The following CD58 variants were observed in gnomAD, a reference collection of about 807,000 sequenced individuals.
CD58 encodes the protein CD58 molecule, also known as lymphocyte function-associated antigen 3.
Under a neutral mutation model 27.6 loss-of-function variants are expected in CD58, and 14 were observed. The observed-to-expected ratio is 0.51, with a 90% CI of 0.34 to 0.79. CD58 has a LOEUF of 0.79. CD58 is among the 30% of genes least tolerant of loss of function. The pLI, the probability that CD58 is intolerant of heterozygous loss-of-function variation, is 0.02. For missense variants in CD58, 268 were observed against 301.7 expected, an observed-to-expected ratio of 0.89 and a Z score of 0.83; for synonymous variants, 117 against 103.8, an observed-to-expected ratio of 1.13 and a Z score of -0.77.
chr1:116,514,993 T>C (rs117284865), intron 5 of CD58, among the ~76,000 whole-genome samples, 171 bp from the exon 6 acceptor site: 1 of 152,316 alleles, frequency 6.6e-6, no homozygotes, highest in East Asian at 1.9e-4. Context: ...TGAGTGCTCT[T>C]GGGATAGTAG....
At position 116,531,228 on chromosome 1, in the gene CD58, A is replaced by G. The variant is rs1036399013; in HGVS notation, c.628+4737T>C. On this transcript the variant is annotated intron_variant, in intron 3 of 5. Transcript: ENST00000369489. This position sits in a 1 kb window ranked among gnomAD's most constrained non-coding sequence, Gnocchi z 4.5. ...AAATTCTAATGGCAAACATAAAGTT[A>G]AACATAAAGTTTTGCAAGGGCAAAA... is the stretch of plus-strand genomic sequence containing the variant. Among the ~76,000 whole-genome samples the G allele has an allele frequency of 2.1e-4, 32 of 152,358 alleles. No homozygotes were observed. Among genetic ancestry groups the G allele is most frequent in the African/African-American group, 7.5e-4 (31 of 41,592 alleles).
chr1:116,530,803 T>C (rs1657578951), intron 3 of CD58, among the ~76,000 whole-genome samples: 1 of 152,176 alleles, frequency 6.6e-6, no homozygotes, highest in South Asian at 2.1e-4. Flanking sequence ...GATCCTAGAC[T>C]GTTACTGTTC....
At chr1:116,562,572 A>G (rs1658791358) in intron 1 of CD58, among the ~76,000 whole-genome samples, 1 of 152,224 alleles carries the variant, frequency 6.6e-6, no homozygotes, top group South Asian at 2.1e-4. Flanking sequence ...TATCAAGGAA[A>G]GAGGCTCAAT....
Position 116,534,682 on chromosome 1 carries a change from CT to C in CD58, c.628+1282del, listed in dbSNP as rs959085916. Among the ~76,000 whole-genome samples, 1 of 152,218 alleles carries C rather than the reference CT, an allele frequency of 6.6e-6. No homozygotes were observed. The highest frequency in any genetic ancestry group is 2.4e-5 in the African/African-American group (1 of 41,460). On this transcript the variant is annotated intron_variant, in intron 3 of 5. Coordinates refer to ENST00000369489, the MANE Select transcript of CD58 (RefSeq NM_001779.3). This position sits in a 1 kb window ranked among gnomAD's most constrained non-coding sequence, Gnocchi z 5.3. ...CTGCCCACCCTGACGAGGACGTCTA[CT>C]TTTTCTTGAAAAATGTCTTTCCTTT...
chr1:116,543,937 A>T (rs1009973094), intron 2 of CD58, among the ~76,000 whole-genome samples: 3 of 151,984 alleles, frequency 2.0e-5, no homozygotes, highest in Admixed American at 2.0e-4. Flanking sequence ...TAAATAAATT[A>T]ATTAAATAAA....
At chr1:116,566,968 G>A (rs1658957070) in intron 1 of CD58, among the ~76,000 whole-genome samples, 1 of 150,746 alleles carries the variant, frequency 6.6e-6, no homozygotes, top group South Asian at 2.1e-4. Context: ...GCAAAACCCC[G>A]TCTCTATAAA....
intron 1 of CD58, among the ~76,000 whole-genome samples, chr1:116,548,547 C>G (rs79652134): frequency 6.6e-6 from 1 of 152,128 alleles, no homozygotes; most frequent in Non-Finnish European, 1.5e-5. Flanking sequence ...TTTTCTCTAG[C>G]TTAATTTAGT....
chr1:116,537,267 T>C (rs1306398370), intron 2 of CD58, among the ~76,000 whole-genome samples: 3 of 152,220 alleles, frequency 2.0e-5, no homozygotes, highest in Admixed American at 2.0e-4. Context: ...TCTTTAAATA[T>C]ATAGGAATGA....
rs1044151497 is a variant in CD58, at chr1:116,538,418, C to T, written c.365-2190G>A. On this transcript the variant is annotated intron_variant, in intron 2 of 5. Transcript: ENST00000369489. This position sits in a 1 kb window ranked among gnomAD's most constrained non-coding sequence, Gnocchi z 4.7. Reference sequence around the variant, plus strand: ...CCAGAATAGTTCAAAAATGCCTGTTCTCAGTATTTCATATACTTATGCCTG... The same window carrying T: ...CCAGAATAGTTCAAAAATGCCTGTTTTCAGTATTTCATATACTTATGCCTG... Among the ~76,000 whole-genome samples the T allele has an allele frequency of 6.6e-6, 1 of 152,166 alleles. No individual in the cohort carries two copies. The highest frequency in any genetic ancestry group is 1.9e-4 in the East Asian group (1 of 5,190).
intron 5 of CD58, chr1:116,518,970 T>C (rs1300263984): frequency 2.0e-6 from 2 of 1,010,704 alleles, no homozygotes; most frequent in African/African-American, 1.6e-5. Context: ...ATATGCGCTG[T>C]CTCTAAGCAA....
In CD58 at chr1:116,544,401, TAGTG is replaced by T; in HGVS notation, c.270_273del (p.Thr91SerfsTer4). Reference sequence around the variant, plus strand: ...TCATCTGATGATGTTAAGTTGTAGATAGTGAGGCTACCTGACACAGTGTCTAAAT... The same window carrying T: ...TCATCTGATGATGTTAAGTTGTAGATAGGCTACCTGACACAGTGTCTAAAT... On this transcript the variant is annotated frameshift_variant, in exon 2 of 6. Coordinates refer to ENST00000369489, the MANE Select transcript of CD58 (RefSeq NM_001779.3). LOFTEE classifies it high-confidence loss of function. The T allele has an allele frequency of 1.9e-6, 3 of 1,612,530 alleles. No individual in the cohort carries two copies. Among genetic ancestry groups the T allele is most frequent in the Non-Finnish European group, 2.5e-6 (3 of 1,178,688 alleles).
At chr1:116,554,981 G>T (rs1658517530) in intron 1 of CD58, among the ~76,000 whole-genome samples, 2 of 152,092 alleles carry the variant, frequency 1.3e-5, no homozygotes, top group South Asian at 4.1e-4. Flanking sequence ...AAGAACAATA[G>T]AAGAAAGGGG....
rs965414372 is a variant in CD58, at chr1:116,523,692, G to A, written c.629-1709C>T. ...GATGTCAGTGCCACTGAAGATCATT[G>A]TCTAGAGCCATAAGTTCATCAAGGG... On this transcript the variant is annotated intron_variant, in intron 3 of 5. Transcript: ENST00000369489. The surrounding 1 kb of genome is among the most constrained non-coding windows in gnomAD (Gnocchi z 4.4). Among the ~76,000 whole-genome samples, 1 of 152,160 alleles carries A rather than the reference G, an allele frequency of 6.6e-6. No individual in the cohort carries two copies. Among genetic ancestry groups the A allele is most frequent in the Non-Finnish European group, 1.5e-5 (1 of 68,030 alleles).
At position 116,521,900 on chromosome 1, in the gene CD58, A is replaced by G. The variant is rs758437699; in HGVS notation, c.706+6T>C. The G allele has an allele frequency of 1.4e-6, 2 of 1,429,052 alleles. No individual in the cohort carries two copies. Among genetic ancestry groups the G allele is most frequent in the South Asian group, 2.3e-5 (2 of 86,042 alleles). 88.5% of individuals were successfully genotyped at this position (1,429,052 alleles called of 1,614,324 possible). On this transcript the variant is annotated splice_donor_region_variant and intron_variant, in intron 4 of 5. Coordinates refer to ENST00000369489, the MANE Select transcript of CD58 (RefSeq NM_001779.3). The surrounding 1 kb of genome is among the most constrained non-coding windows in gnomAD (Gnocchi z 5.6). ...CAAACTATTTTGTTTTAAAAAGCAT[A>G]CATACCATTCATATACAGCACAATA...
chr1:116,534,258 C>T lies in CD58; in HGVS notation c.628+1707G>A, dbSNP rs1657714858. The stretch of plus-strand genomic sequence containing the variant: ...GGACTTTCTTCCCCATCAGACATGC[C>T]CTCGTCCACACGAAACTTACAATCA... On this transcript the variant is annotated intron_variant, in intron 3 of 5. Transcript: ENST00000369489. The surrounding 1 kb of genome is among the most constrained non-coding windows in gnomAD (Gnocchi z 5.3). Among the ~76,000 whole-genome samples, 1 of 152,228 alleles carries T rather than the reference C, an allele frequency of 6.6e-6. No individual in the cohort carries two copies. Among genetic ancestry groups the T allele is most frequent in the African/African-American group, 2.4e-5 (1 of 41,450 alleles).
At chr1:116,547,471 G>T (rs1245015418) in intron 1 of CD58, among the ~76,000 whole-genome samples, 3 of 151,650 alleles carry the variant, frequency 2.0e-5, no homozygotes, top group African/African-American at 7.3e-5. Context: ...GACTACAGGC[G>T]CCCACCACCA....
Position 116,559,897 on chromosome 1 carries a change from G to C in CD58, c.70+11006C>G, listed in dbSNP as rs1173770239. On this transcript the variant is annotated intron_variant, in intron 1 of 5. Coordinates refer to ENST00000369489, the MANE Select transcript of CD58 (RefSeq NM_001779.3). This position sits in a 1 kb window ranked among gnomAD's most constrained non-coding sequence, Gnocchi z 4.4. ...AGTAGCTACCAGCTACAAGTGGCTA[G>C]TGAGAACCTGAAATATGGTTAGTTC... 6.5e-6 allele frequency: 1 copy of C among 153,396 alleles called. No homozygotes were observed. The highest frequency in any genetic ancestry group is 1.5e-5 in the Non-Finnish European group (1 of 68,028). The allele number at this position is 153,396 out of a possible 1,614,324, so 9.5% of individuals were successfully genotyped here. A position where few individuals can be genotyped will look rare whatever the true frequency, so the allele number is the denominator to read the frequency against.
rs1657286019 is a variant in CD58, at chr1:116,522,285, G to A, written c.629-302C>T. Among the ~76,000 whole-genome samples, 1 of 152,114 alleles carries A rather than the reference G, an allele frequency of 6.6e-6. No individual in the cohort carries two copies. The highest frequency in any genetic ancestry group is 2.1e-4 in the South Asian group (1 of 4,830). ...TAGTGCCATGATTTTGCATTTTTGT[G>A]CTTTTTTGTTGGTGATTTCACTATT... On this transcript the variant is annotated intron_variant, in intron 3 of 5. Coordinates refer to ENST00000369489, the MANE Select transcript of CD58 (RefSeq NM_001779.3). The surrounding 1 kb of genome is among the most constrained non-coding windows in gnomAD (Gnocchi z 4.6).
Position 116,519,203 on chromosome 1 carries a change from C to A in CD58, c.743+28G>T. 6.2e-7 allele frequency: 1 copy of A among 1,612,026 alleles called. No individual in the cohort carries two copies. The highest frequency in any genetic ancestry group is 8.5e-7 in the Non-Finnish European group (1 of 1,178,950). ...CAGCAGGGCTGCTGTTGTTCTGGCA[C>A]AGAGTGCACAGCCTGCAGTGTACTT... is the stretch of plus-strand genomic sequence containing the variant. On this transcript the variant is annotated intron_variant, in intron 5 of 5. Transcript: ENST00000369489. The surrounding 1 kb of genome is among the most constrained non-coding windows in gnomAD (Gnocchi z 4.7).
Sources: gnomAD v4.1 joint callset for allele counts (sites outside exome capture counted in the v4.1 genomes callset) on GRCh38, gnomAD v4.1.1 for gene constraint, Gnocchi (gnomAD v3.1) non-coding constraint, MANE v1.5 for transcripts, NCBI Gene and HGNC (gene_info 2026-07-23, HGNC 2026-07-21) for gene names.